Variants in PAX6 observed in about 807,000 individuals in gnomAD.
The protein encoded by PAX6 is paired box 6, also known as paired box protein Pax-6.
In PAX6, 7 loss-of-function variants were observed where a neutral mutation model predicts 60.7. That is an observed-to-expected ratio of 0.12 (90% CI 0.07 to 0.22). The LOEUF is 0.22. Among genes scored for constraint, PAX6 ranks in the 10% least tolerant of loss-of-function variants. The pLI, the probability that PAX6 is intolerant of heterozygous loss-of-function variation, is 1.00. For missense variants in PAX6, 355 were observed against 555.2 expected, an observed-to-expected ratio of 0.64 and a Z score of 3.62; for synonymous variants, 208 against 201.2, an observed-to-expected ratio of 1.03 and a Z score of -0.29.
intron 9 of PAX6, 28 bp downstream of exon 9, chr11:31,794,602 G>A: frequency 1.2e-6 from 2 of 1,613,014 alleles, no homozygotes; most frequent in Non-Finnish European, 1.7e-6. Context: ...TTGATTTACT[G>A]CTTCTCTACT....
intron 5 of PAX6, 148 bp from the exon 6 acceptor site, chr11:31,802,060 T>TTA (rs1954105108): frequency 7.6e-6 from 5 of 655,016 alleles, no homozygotes; most frequent in African/African-American, 5.6e-5. Flanking sequence ...AAGCTTTTTT[T>TTA]AAAAAAAAAA....
chr11:31,794,964 G>A (rs1201230462), intron 8 of PAX6, among the ~76,000 whole-genome samples, 176 bp from the exon 9 acceptor site: 1 of 152,160 alleles, frequency 6.6e-6, no homozygotes, highest in Non-Finnish European at 1.5e-5. Flanking sequence ...TTAGTTACCT[G>A]ACCACCATTT....
chr11:31,791,839 CA>C (rs1050215542), intron 12 of PAX6: 4 of 152,146 alleles, frequency 2.6e-5, no homozygotes, highest in African/African-American at 7.2e-5. Flanking sequence ...CTCCAAAATT[CA>C]AAGAGTAGTT....
intron 8 of PAX6, among the ~76,000 whole-genome samples, chr11:31,796,303 A>AGC (rs1220978840): frequency 1.3e-5 from 2 of 152,180 alleles, no homozygotes; most frequent in Non-Finnish European, 2.9e-5. Flanking sequence ...GGCTACAATG[A>AGC]GCGCGGACAA....
chr11:31,789,912 CTTTTTTTTTT>C lies in PAX6; in HGVS notation c.*12_*21del. 9.6e-7 allele frequency: 1 copy of C among 1,046,002 alleles called. No homozygotes were observed. Among genetic ancestry groups the C allele is most frequent in the Non-Finnish European group, 1.4e-6 (1 of 725,932 alleles). 64.8% of individuals were successfully genotyped at this position (1,046,002 alleles called of 1,614,324 possible). A position where few individuals can be genotyped will look rare whatever the true frequency, so the allele number is the denominator to read the frequency against. Reference sequence around the variant, plus strand: ...CTGAATTAACACAATATTTCCTTTCCTTTTTTTTTTTTTTTTTTTTTTTACTGTAATCTTG... The same window carrying C: ...CTGAATTAACACAATATTTCCTTTCCTTTTTTTTTTTTTACTGTAATCTTG... On this transcript the variant is annotated 3_prime_UTR_variant, in exon 14 of 14. Transcript: ENST00000640368.
At chr11:31,792,614 A>G (rs1950272351) in intron 12 of PAX6, 1 of 153,102 alleles carries the variant, frequency 6.5e-6, no homozygotes, top group Non-Finnish European at 1.5e-5. Context: ...CAGAAGACAG[A>G]CATTTTTCCT....
intron 5 of PAX6, chr11:31,802,487 A>G: frequency 1.9e-6 from 1 of 535,880 alleles, no homozygotes; most frequent in South Asian, 2.8e-5. Flanking sequence ...CAGATGAGTT[A>G]TCTTATGTAA....
At chr11:31,793,081 T>A in intron 12 of PAX6, 1 of 599,060 alleles carries the variant, frequency 1.7e-6, no homozygotes, top group Non-Finnish European at 3.0e-6. Context: ...TTTAAACTAC[T>A]AATCTGCTAT....
In PAX6 at chr11:31,802,827, G is replaced by T. The variant is rs929540579; in HGVS notation, c.18C>A (p.Ser6Arg). 6.2e-7 allele frequency: 1 copy of T among 1,613,918 alleles called. No homozygotes were observed. The highest frequency in any genetic ancestry group is 2.2e-5 in the East Asian group (1 of 44,866). Residue 6 changes from serine to arginine, a missense_variant, in exon 5 of 14, where the codon AGC becomes AGA. Ser to Arg is a moderately radical substitution (Grantham distance 110). Transcript: ENST00000640368. MQNSH[S>R]GVNQLGGVFV... ...AGACACCACCGAGCTGATTCACTCC[G>T]CTGTGACCTGAGGAAAGGGAGAGGA...
At chr11:31,803,231 C>T (rs1416090743) in intron 4 of PAX6, 2 of 254,294 alleles carry the variant, frequency 7.9e-6, no homozygotes, top group Non-Finnish European at 1.6e-5. Flanking sequence ...CAGCCCACTG[C>T]CCCTCTTCAT....
chr11:31,794,297 T>C (rs193101906), intron 9 of PAX6, 183 bp from the exon 10 acceptor site: 39 of 671,672 alleles, frequency 5.8e-5, no homozygotes, highest in Admixed American at 5.7e-4. Flanking sequence ...TAAATTTTCT[T>C]TGGAATGGCA....
In PAX6 at chr11:31,800,541, T is replaced by C. The variant is rs1953356758; in HGVS notation, c.565+150A>G. 4.3e-6 allele frequency: 4 copies of C among 933,648 alleles called. No individual in the cohort carries two copies. In the Admixed American group the frequency reaches 5.1e-5, roughly 12 times the overall value. 57.8% of individuals were successfully genotyped at this position (933,648 alleles called of 1,614,324 possible). ...TTCAACAAACACCACCTACATACAA[T>C]GTGGTCGATGTGTCCCAGGCCTTCA... is the stretch of plus-strand genomic sequence containing the variant. On this transcript the variant is annotated intron_variant, in intron 8 of 13. Transcript: ENST00000640368.
intron 2 of PAX6, 126 bp downstream of exon 2, chr11:31,810,702 C>G: frequency 2.5e-6 from 1 of 397,632 alleles, no homozygotes; most frequent in Non-Finnish European, 4.4e-6. Context: ...CTTCTCCGGC[C>G]CAACTCTCCC....
chr11:31,802,891 A>T, intron 4 of PAX6, 57 bp from the exon 5 acceptor site: 1 of 1,533,234 alleles, frequency 6.5e-7, no homozygotes, highest in Non-Finnish European at 9.0e-7. Flanking sequence ...CAGAGTGAAG[A>T]GGAAGAAGAG....
chr11:31,797,312 C>T (rs1312441629), intron 8 of PAX6, among the ~76,000 whole-genome samples: 1 of 152,122 alleles, frequency 6.6e-6, no homozygotes, highest in Non-Finnish European at 1.5e-5. Flanking sequence ...ATGCTCTGCT[C>T]TCATTTGCCT....
At position 31,789,826 on chromosome 11, in the gene PAX6, T is replaced by C; in HGVS notation, c.*108A>G. 1.0e-6 allele frequency: 1 copy of C among 998,426 alleles called. No homozygotes were observed. The highest frequency in any genetic ancestry group is 2.0e-5 in the Admixed American group (1 of 50,430). 61.8% of individuals were successfully genotyped at this position (998,426 alleles called of 1,614,324 possible). On this transcript the variant is annotated 3_prime_UTR_variant, in exon 14 of 14. Coordinates refer to ENST00000640368, the MANE Select transcript of PAX6 (RefSeq NM_001368894.2). ...GACACAATTGTAGAACTGAAGCGGCTCTAACAGCCATTTTTCTTTCTTTCC... is the reference window on the plus strand; with the variant it reads ...GACACAATTGTAGAACTGAAGCGGCCCTAACAGCCATTTTTCTTTCTTTCC...
At chr11:31,807,897 C>A (rs1314978026) in intron 2 of PAX6, 1 of 150,980 alleles carries the variant, frequency 6.6e-6, no homozygotes, top group Non-Finnish European at 1.5e-5. Context: ...CACCTCCCTA[C>A]CTTTCCCAAA....
At chr11:31,809,913 A>T (rs1592644298) in intron 2 of PAX6, 1 of 152,450 alleles carries the variant, frequency 6.6e-6, no homozygotes, top group Non-Finnish European at 1.5e-5. Context: ...CACCAAGCGC[A>T]GGGGGCCGGA....
intron 8 of PAX6, among the ~76,000 whole-genome samples, chr11:31,796,816 G>T (rs1253187324): frequency 6.6e-6 from 1 of 152,178 alleles, no homozygotes; most frequent in Non-Finnish European, 1.5e-5. Flanking sequence ...GAGGGCCAGA[G>T]AATATTAGTA....
Sources: allele counts gnomAD v4.1 joint callset (sites outside exome capture counted in the v4.1 genomes callset), GRCh38; gene constraint gnomAD v4.1.1; transcripts MANE v1.5; gene names NCBI Gene and HGNC (gene_info 2026-07-23, HGNC 2026-07-21).